Variants in ENTPD5 observed in about 807,000 individuals in gnomAD.
ENTPD5 encodes ectonucleoside triphosphate diphosphohydrolase 5 (inactive).
Under a neutral mutation model 60.2 loss-of-function variants are expected in ENTPD5, and 49 were observed. The ratio of observed to expected loss-of-function variants is 0.81; its 90% CI spans 0.65 to 1.03. The LOEUF is 1.03. ENTPD5 is among the 50% of genes least tolerant of loss of function. The pLI, the probability that ENTPD5 is intolerant of heterozygous loss-of-function variation, is 0.00. For synonymous variants in ENTPD5, 187 were observed against 185.4 expected, an observed-to-expected ratio of 1.01 and a Z score of -0.07; for missense variants, 480 against 507.6, an observed-to-expected ratio of 0.95 and a Z score of 0.52.
At chr14:73,963,077 T>G (rs2056828700), downstream of ENTPD5, 2 of 1,180,682 alleles carry the variant, frequency 1.7e-6, no homozygotes, top group South Asian at 1.2e-5. Flanking sequence ...ATTTTCAAGA[T>G]CTTATTTAAT....
chr14:73,962,429 C>T (rs1158904802), downstream of ENTPD5, among the ~76,000 whole-genome samples: 4 of 152,098 alleles, frequency 2.6e-5, no homozygotes, highest in African/African-American at 7.2e-5. Context: ...TGTGGTGGCA[C>T]ATGCCTGTAG....
intron 9 of ENTPD5, 43 bp downstream of exon 9, chr14:73,976,281 C>T (rs1291526051): frequency 2.6e-6 from 4 of 1,550,480 alleles, no homozygotes. Flanking sequence ...CATGATACGC[C>T]TGCCAAGTGC....
At chr14:73,955,893 T>C, downstream of ENTPD5, 13 of 1,614,184 alleles carry the variant, frequency 8.1e-6, no homozygotes, top group East Asian at 2.2e-5. Flanking sequence ...GATGTCATCA[T>C]GCATGCTCTC....
Position 73,975,982 on chromosome 14 carries a change from T to C in ENTPD5, c.676A>G (p.Thr226Ala), listed in dbSNP as rs1276753225. The change falls in exon 10 of 16, where the codon ACT becomes GCT. Residue 226 changes from threonine to alanine, a missense_variant. By Grantham distance (58) the Thr-to-Ala change is moderately conservative. Transcript: ENST00000334696. ...TLEQTPRGYL[T>A]SFEMFNSTYK... ...GTGCTGTTAAACATCTCAAAGGAAGTGAGGTAGCCCCTAGGAGTTTGTTCC... is the reference window on the plus strand; with the variant it reads ...GTGCTGTTAAACATCTCAAAGGAAGCGAGGTAGCCCCTAGGAGTTTGTTCC... 3 of 1,613,640 alleles carry C rather than the reference T, an allele frequency of 1.9e-6. No homozygotes were observed. Among genetic ancestry groups the C allele is most frequent in the Non-Finnish European group, 2.5e-6 (3 of 1,179,864 alleles).
At chr14:73,991,828 A>G (rs1386714523) in intron 3 of ENTPD5, among the ~76,000 whole-genome samples, 1 of 150,762 alleles carries the variant, frequency 6.6e-6, no homozygotes, top group Non-Finnish European at 1.5e-5. Context: ...AATATATTCT[A>G]TGTATTTTAA....
intron 3 of ENTPD5, among the ~76,000 whole-genome samples, chr14:73,995,384 T>C (rs1204669728): frequency 1.3e-5 from 2 of 151,994 alleles, no homozygotes; most frequent in Non-Finnish European, 2.9e-5. Flanking sequence ...GTTTTTTATG[T>C]GTTCCTGGTG....
At chr14:73,972,842 T>C (rs746158044) in intron 13 of ENTPD5, 42 bp downstream of exon 13, 2 of 1,608,754 alleles carry the variant, frequency 1.2e-6, no homozygotes, top group East Asian at 2.2e-5. Context: ...ACCACAGCCC[T>C]ATCCACCTTC....
At chr14:73,957,871 A>G (rs1271801466), downstream of ENTPD5, 1 of 420,194 alleles carries the variant, frequency 2.4e-6, no homozygotes, top group East Asian at 5.3e-5. Context: ...ATTTAAGCGT[A>G]GAGTGAAAAT....
chr14:73,986,473 ATACCC>A (rs1157627365), intron 5 of ENTPD5: 2 of 211,160 alleles, frequency 9.5e-6, no homozygotes, highest in Non-Finnish European at 1.9e-5. Context: ...TTTATACATC[ATACCC>A]TACAGAACTT....
chr14:73,958,491 A>G (rs999503358), downstream of ENTPD5: 63 of 1,389,796 alleles, frequency 4.5e-5, no homozygotes, highest in Non-Finnish European at 5.0e-5. Flanking sequence ...AGGTTGTGAA[A>G]TAACAGATAG....
At chr14:74,008,952 T>G (rs1019530969) in intron 3 of ENTPD5, 3 of 152,224 alleles carry the variant, frequency 2.0e-5, no homozygotes, top group African/African-American at 7.2e-5. Context: ...ACAGGTCATT[T>G]TTTATGTGTA....
chr14:74,018,667 AG>A (rs2059142389), intron 1 of ENTPD5: 2 of 152,160 alleles, frequency 1.3e-5, no homozygotes, highest in South Asian at 2.1e-4. Flanking sequence ...GGTCGTGGGC[AG>A]GAAGTATCGG....
At chr14:73,981,575 G>A (rs2057692295) in intron 6 of ENTPD5, among the ~76,000 whole-genome samples, 6 of 151,996 alleles carry the variant, frequency 3.9e-5, no homozygotes, top group Admixed American at 3.9e-4. Context: ...GGCCAAGGAA[G>A]GTGGACTGCC....
At chr14:73,999,948 C>T (rs191709935) in intron 3 of ENTPD5, among the ~76,000 whole-genome samples, 1,561 of 151,512 alleles carry the variant, frequency 0.01, 22 homozygotes, top group Admixed American at 0.031. Context: ...ATTAGCCAGG[C>T]ATGGTGGCAT....
At chr14:73,994,648 G>A (rs1362485449) in intron 3 of ENTPD5, among the ~76,000 whole-genome samples, 2 of 151,060 alleles carry the variant, frequency 1.3e-5, no homozygotes, top group South Asian at 4.2e-4. Context: ...CAGGAGAATC[G>A]CTTGAACCCG....
chr14:73,957,098 A>AT (rs1265250285), downstream of ENTPD5, among the ~76,000 whole-genome samples: 59 of 127,502 alleles, frequency 4.6e-4, no homozygotes, highest in East Asian at 1.4e-3. Flanking sequence ...TATTATTATT[A>AT]TTATTTTTTT....
Position 73,967,017 on chromosome 14 carries a change from G to C in ENTPD5, c.1201-3C>G. 1 of 1,613,202 alleles carries C rather than the reference G, an allele frequency of 6.2e-7. No individual in the cohort carries two copies. The highest frequency in any genetic ancestry group is 1.1e-5 in the South Asian group (1 of 91,026). On this transcript the variant is annotated splice_region_variant and splice_polypyrimidine_tract_variant and intron_variant, in intron 15 of 15. Transcript: ENST00000334696. ...ATGTTGTTCACTTTCTTTGTGAGCT[G>C]TTGAGAAGAAAAAAAGTCTTCACCT...
intron 10 of ENTPD5, 75 bp from the exon 11 acceptor site, chr14:73,975,060 A>G (rs1021204735): frequency 3.4e-5 from 38 of 1,129,608 alleles, no homozygotes; most frequent in Non-Finnish European, 4.8e-5. Flanking sequence ...TTTCAAAAGT[A>G]ACATTGTTCC....
intron 13 of ENTPD5, among the ~76,000 whole-genome samples, chr14:73,972,288 C>G (rs895937262): frequency 6.6e-6 from 1 of 152,034 alleles, no homozygotes; most frequent in African/African-American, 2.4e-5. Flanking sequence ...GCAGGAGAAT[C>G]GGTTGAACCC....
Sources: gnomAD v4.1 joint callset for allele counts (sites outside exome capture counted in the v4.1 genomes callset) on GRCh38, gnomAD v4.1.1 for gene constraint, MANE v1.5 for transcripts, NCBI Gene and HGNC (gene_info 2026-07-23, HGNC 2026-07-21) for gene names.